UPF2: variants seen among roughly 807,000 people sequenced by gnomAD.
UPF2 encodes the protein UPF2 regulator of nonsense mediated mRNA decay, also known as regulator of nonsense transcripts 2.
UPF2 carries 17 observed loss-of-function variants against 141.4 expected under a neutral mutation model. The observed-to-expected ratio is 0.12, with a 90% confidence interval of 0.08 to 0.18. UPF2 has a LOEUF of 0.18. Among genes scored for constraint, UPF2 ranks in the 10% least tolerant of loss-of-function variants. The pLI is 1.00. For missense variants in UPF2, 1,152 were observed against 1,515.9 expected (o/e 0.76, Z 3.99); for synonymous variants, 540 against 498.0 (o/e 1.08, Z -1.12).
intron 9 of UPF2, among the ~76,000 whole-genome samples, chr10:11,973,771 T>C (rs1833458675): frequency 6.6e-6 from 1 of 152,214 alleles, no homozygotes; most frequent in Non-Finnish European, 1.5e-5. Flanking sequence ...AGTACCATGC[T>C]GTTTTGGTTA....
At chr10:11,994,170 G>GC (rs1833827379) in intron 8 of UPF2, among the ~76,000 whole-genome samples, 1 of 152,058 alleles carries the variant, frequency 6.6e-6, no homozygotes, top group South Asian at 2.1e-4. Context: ...TAAAAGCTGA[G>GC]TTTTTTTAGT....
At position 11,998,514 on chromosome 10, in the gene UPF2, C is replaced by T. The variant is rs2131262019; in HGVS notation, c.1759-757G>A. Among the ~76,000 whole-genome samples the T allele has an allele frequency of 6.6e-6, 1 of 152,102 alleles. No individual in the cohort carries two copies. The highest frequency in any genetic ancestry group is 2.1e-4 in the South Asian group (1 of 4,814). ...CCTCCTGCCTCAGCTCCCGGCCAAG[C>T]AGCTGAGACTATAGGCATGTGTAGT... On this transcript the variant is annotated intron_variant, in intron 7 of 21. Coordinates refer to ENST00000357604, the MANE Select transcript of UPF2 (RefSeq NM_015542.4). This position sits in a 1 kb window ranked among gnomAD's most constrained non-coding sequence, Gnocchi z 4.5.
intron 9 of UPF2, 55 bp from the exon 10 acceptor site, chr10:11,967,509 T>C (rs1388686763): frequency 4.2e-6 from 4 of 947,436 alleles, no homozygotes; most frequent in Admixed American, 3.3e-5. Context: ...ATCTCTGTGA[T>C]AAAAACTATT....
chr10:11,952,000 A>G, intron 15 of UPF2, 66 bp downstream of exon 15: 1 of 1,523,192 alleles, frequency 6.6e-7, no homozygotes, highest in Non-Finnish European at 9.1e-7. Context: ...GTAACATTAT[A>G]AAGCAAATTC....
At chr10:11,997,370 CTTTTTCCTCAGAGGCA>C (rs576541240) in intron 8 of UPF2, among the ~76,000 whole-genome samples, 196 of 101,212 alleles carry the variant, frequency 1.9e-3, no homozygotes, top group Admixed American at 8.1e-3. Context: ...CCATTTATTA[CTTTTTCCTCAGAGGCA>C]AAAATGCAAA....
intron 8 of UPF2, among the ~76,000 whole-genome samples, chr10:11,996,510 TAA>T (rs1376491314): frequency 5.3e-5 from 8 of 152,136 alleles, no homozygotes; most frequent in African/African-American, 1.9e-4. Flanking sequence ...CACACCCAGC[TAA>T]TTTTGTATTT....
At chr10:12,025,014 T>C (rs970125501) in intron 3 of UPF2, among the ~76,000 whole-genome samples, 1 of 140,948 alleles carries the variant, frequency 7.1e-6, no homozygotes, top group Non-Finnish European at 1.5e-5. Flanking sequence ...CAGAACACCA[T>C]AATGTACCCT....
intron 12 of UPF2, among the ~76,000 whole-genome samples, chr10:11,957,145 C>A (rs181575634): frequency 3.4e-4 from 51 of 149,614 alleles, no homozygotes; most frequent in African/African-American, 1.2e-3. Context: ...AAAACAAAAA[C>A]GGGCCAGGTG....
intron 8 of UPF2, among the ~76,000 whole-genome samples, chr10:11,993,036 G>C (rs975094531): frequency 6.6e-6 from 1 of 150,558 alleles, no homozygotes; most frequent in African/African-American, 2.4e-5. Context: ...TGAAATCCCA[G>C]TTACATGTGA....
At chr10:12,029,776 A>C (rs1834483373) in intron 2 of UPF2, among the ~76,000 whole-genome samples, 2 of 152,128 alleles carry the variant, frequency 1.3e-5, no homozygotes, top group South Asian at 2.1e-4. Context: ...AGCGTGGCCA[A>C]TATGGTGAAA....
chr10:12,042,389 C>G lies in UPF2; in HGVS notation c.-19+366G>C, dbSNP rs551275046. On this transcript the variant is annotated intron_variant, in intron 1 of 21. Transcript: ENST00000357604. The surrounding 1 kb of genome is among the most constrained non-coding windows in gnomAD (Gnocchi z 5.5). ...TCGCCCTCGCTTCCCTCCCGGCTCT[C>G]GAGGAGCTTCCCCCGACCTCCCCTC... Among the ~76,000 whole-genome samples, 38 of 152,270 alleles carry G rather than the reference C, an allele frequency of 2.5e-4. No homozygotes were observed. In the East Asian group the frequency reaches 7.0e-3, roughly 28 times the overall value.
intron 1 of UPF2, among the ~76,000 whole-genome samples, chr10:12,041,219 A>G (rs1200014669): frequency 6.6e-6 from 1 of 152,240 alleles, no homozygotes; most frequent in Non-Finnish European, 1.5e-5. Flanking sequence ...AAGTGTTTCC[A>G]AAAGTTTTTC....
chr10:12,026,942 C>G (rs1701480), intron 3 of UPF2, among the ~76,000 whole-genome samples: 4,453 of 152,202 alleles, frequency 0.029, 223 homozygotes, highest in African/African-American at 0.1. Flanking sequence ...TGTGAGCCAC[C>G]ATTTCCAGCC....
chr10:12,022,614 A>G (rs1315628344), intron 3 of UPF2, among the ~76,000 whole-genome samples: 1 of 152,136 alleles, frequency 6.6e-6, no homozygotes, highest in African/African-American at 2.4e-5. Context: ...CTCTTAGAAC[A>G]TTACAGCTAT....
chr10:12,032,699 C>T (rs1834547105), intron 2 of UPF2, among the ~76,000 whole-genome samples: 1 of 150,090 alleles, frequency 6.7e-6, no homozygotes, highest in African/African-American at 2.5e-5. Context: ...GACCAGGCCA[C>T]TGCACTCCAG....
At chr10:11,981,124 C>G (rs1186803538) in intron 8 of UPF2, among the ~76,000 whole-genome samples, 1 of 152,032 alleles carries the variant, frequency 6.6e-6, no homozygotes, top group African/African-American at 2.4e-5. Context: ...GTCCATGCCA[C>G]CGCACTCCAG....
At chr10:11,973,848 G>C (rs1466254072) in intron 9 of UPF2, among the ~76,000 whole-genome samples, 1 of 152,146 alleles carries the variant, frequency 6.6e-6, no homozygotes, top group East Asian at 1.9e-4. Context: ...TTTTTGCTTA[G>C]GATTGTCTTG....
At chr10:12,022,041 G>A (rs1265573373) in intron 3 of UPF2, among the ~76,000 whole-genome samples, 1 of 152,070 alleles carries the variant, frequency 6.6e-6, no homozygotes, top group Non-Finnish European at 1.5e-5. Flanking sequence ...TCAGGAGGCT[G>A]AGGCAGGAGA....
chr10:11,964,718 G>A (rs759586270), intron 10 of UPF2, among the ~76,000 whole-genome samples: 5 of 152,086 alleles, frequency 3.3e-5, no homozygotes, highest in Admixed American at 6.5e-5. Context: ...TAATATGAAC[G>A]AGATTAAAAC....
Sources: allele counts gnomAD v4.1 joint callset (sites outside exome capture counted in the v4.1 genomes callset), GRCh38; gene constraint gnomAD v4.1.1; non-coding constraint Gnocchi (gnomAD v3.1); transcripts MANE v1.5; gene names NCBI Gene and HGNC (gene_info 2026-07-23, HGNC 2026-07-21).